The following GSE1 variants were observed in gnomAD, a reference collection of about 807,000 sequenced individuals.
GSE1 encodes genetic suppressor element 1.
In GSE1, 32 loss-of-function variants were observed where a neutral mutation model predicts 112.6. The ratio of observed to expected loss-of-function variants is 0.28; its 90% confidence interval spans 0.21 to 0.38. The LOEUF (loss-of-function observed/expected upper bound fraction) is 0.38. Among genes scored for constraint, GSE1 ranks in the 10% least tolerant of loss-of-function variants. The pLI is 1.00. For missense variants in GSE1, 2,348 were observed against 1,699.2 expected (o/e 1.38, Z -6.71); for synonymous variants, 1,115 against 735.6 (o/e 1.52, Z -8.35).
intron 2 of GSE1, among the ~76,000 whole-genome samples, chr16:85,538,306 C>T (rs537011446): frequency 5.3e-4 from 80 of 152,358 alleles, no homozygotes; most frequent in Non-Finnish European, 2.5e-4. Flanking sequence ...CTTTCAGTGG[C>T]TCAACTTGTG....
At chr16:85,497,095 C>T (rs543933083) in intron 2 of GSE1, among the ~76,000 whole-genome samples, 73 of 152,228 alleles carry the variant, frequency 4.8e-4, no homozygotes, top group Non-Finnish European at 2.5e-4. Flanking sequence ...AACAGGGTTT[C>T]GCCATGTTGG....
chr16:85,425,297 A>C (rs938723816), intron 2 of GSE1, among the ~76,000 whole-genome samples: 6 of 42,556 alleles, frequency 1.4e-4, no homozygotes, highest in African/African-American at 2.5e-4. Flanking sequence ...GCAGGAGGGG[A>C]TGCACGGGTG....
At chr16:85,548,704 C>G (rs1014905002) in intron 2 of GSE1, among the ~76,000 whole-genome samples, 2 of 152,136 alleles carry the variant, frequency 1.3e-5, no homozygotes, top group Non-Finnish European at 2.9e-5. Context: ...TGGTGATAAA[C>G]GTGGGGGTGC....
chr16:85,200,659 G>A (rs556543540), intron 1 of GSE1, among the ~76,000 whole-genome samples: 6 of 152,258 alleles, frequency 3.9e-5, no homozygotes, highest in East Asian at 3.9e-4. Context: ...GCCCTCTTTC[G>A]CCCCACATTT....
In GSE1 at chr16:85,373,535, G is replaced by A. The variant is rs2047346506; in HGVS notation, c.2464+15892G>A. Among the ~76,000 whole-genome samples the A allele has an allele frequency of 6.6e-6, 1 of 152,108 alleles. No homozygotes were observed. Among genetic ancestry groups the A allele is most frequent in the South Asian group, 2.1e-4 (1 of 4,828 alleles). ...TGGCAGCTGCCTCCCGGGGCCCCTG[G>A]GAGAATGGGCTGGGGCACTGTGTAT... On this transcript the variant is annotated intron_variant, in intron 2 of 2. Coordinates refer to the GSE1 transcript ENST00000637419. This position sits in a 1 kb window ranked among gnomAD's most constrained non-coding sequence, Gnocchi z 5.1.
intron 1 of GSE1, among the ~76,000 whole-genome samples, chr16:85,191,155 G>A (rs1223651306): frequency 6.6e-6 from 1 of 152,062 alleles, no homozygotes; most frequent in Non-Finnish European, 1.5e-5. Flanking sequence ...AGCTACTTGC[G>A]AGGCTGAGGC....
At chr16:85,226,758 G>GGTGTGTGT (rs55999145) in intron 1 of GSE1, among the ~76,000 whole-genome samples, 312 of 104,954 alleles carry the variant, frequency 3.0e-3, no homozygotes, top group East Asian at 0.012. Flanking sequence ...TGCCTGGACT[G>GGTGTGTGT]GTGTGTGTGT....
At chr16:85,408,152 A>G (rs77704197) in intron 2 of GSE1, among the ~76,000 whole-genome samples, 1 of 26,976 alleles carries the variant, frequency 3.7e-5, no homozygotes, top group Non-Finnish European at 7.1e-5. Flanking sequence ...TCACTGTTAC[A>G]CTCAGGGCCC....
chr16:85,476,128 C>T (rs373287012), intron 2 of GSE1, among the ~76,000 whole-genome samples: 5 of 152,156 alleles, frequency 3.3e-5, no homozygotes, highest in South Asian at 2.1e-4. Context: ...GACGGGATTT[C>T]GCCATGTTGC....
intron 2 of GSE1, among the ~76,000 whole-genome samples, chr16:85,541,446 C>G (rs1169884472): frequency 6.6e-6 from 1 of 152,266 alleles, no homozygotes; most frequent in Non-Finnish European, 1.5e-5. Flanking sequence ...CGTGTCCCCA[C>G]TGCCCCAGCT....
intron 2 of GSE1, among the ~76,000 whole-genome samples, chr16:85,530,143 C>T (rs2044091332): frequency 6.6e-6 from 1 of 152,240 alleles, no homozygotes; most frequent in Non-Finnish European, 1.5e-5. Flanking sequence ...GTCCTGCCTC[C>T]TCCGGCCCCC....
chr16:85,653,085 G>A (rs1178142547), intron 3 of GSE1, among the ~76,000 whole-genome samples: 1 of 150,086 alleles, frequency 6.7e-6, no homozygotes, highest in East Asian at 2.0e-4. Flanking sequence ...GGAAGATGCT[G>A]GGGCTGAGAA....
At chr16:85,471,456 C>G (rs1434086794) in intron 2 of GSE1, among the ~76,000 whole-genome samples, 1 of 152,188 alleles carries the variant, frequency 6.6e-6, no homozygotes, top group African/African-American at 2.4e-5. Context: ...CTCCATCACC[C>G]AGGCTGGAGT....
intron 1 of GSE1, among the ~76,000 whole-genome samples, chr16:85,622,719 G>A (rs1056096251): frequency 6.6e-6 from 1 of 152,164 alleles, no homozygotes; most frequent in African/African-American, 2.4e-5. Flanking sequence ...TGATTCAGGG[G>A]AGACCTACCT....
intron 1 of GSE1, among the ~76,000 whole-genome samples, chr16:85,304,601 C>CGGGGGG (rs1290541396): frequency 4.5e-4 from 35 of 78,208 alleles, no homozygotes; most frequent in Non-Finnish European, 5.4e-4. Flanking sequence ...AAGCCGGGGG[C>CGGGGGG]GGGGGGGTGG....
At chr16:85,514,914 C>T (rs1276801622) in intron 2 of GSE1, among the ~76,000 whole-genome samples, 2 of 151,948 alleles carry the variant, frequency 1.3e-5, no homozygotes, top group South Asian at 2.1e-4. Context: ...TGTGTTTGCC[C>T]GTACGTGTGT....
At chr16:85,306,935 G>A (rs1205031157) in intron 1 of GSE1, among the ~76,000 whole-genome samples, 1 of 152,246 alleles carries the variant, frequency 6.6e-6, no homozygotes, top group East Asian at 1.9e-4. Context: ...ATGCACTGGG[G>A]CACAAGCTCT....
chr16:85,502,945 G>A (rs972806982), intron 2 of GSE1, among the ~76,000 whole-genome samples: 6 of 152,214 alleles, frequency 3.9e-5, no homozygotes, highest in Non-Finnish European at 8.8e-5. Flanking sequence ...GCGGGAGGAG[G>A]ATTATCGGAG....
chr16:85,441,050 GGTGGCAGCTGATCCCAGTGCT>G (rs2049364308), intron 2 of GSE1, among the ~76,000 whole-genome samples: 1 of 152,222 alleles, frequency 6.6e-6, no homozygotes, highest in Non-Finnish European at 1.5e-5. Context: ...CGGGGAGATG[GGTGGCAGCTGATCCCAGTGCT>G]GTGGCAGCAG....
Sources: gnomAD v4.1 joint callset for allele counts (sites outside exome capture counted in the v4.1 genomes callset) on GRCh38, gnomAD v4.1.1 for gene constraint, Gnocchi (gnomAD v3.1) non-coding constraint, MANE v1.5 for transcripts, NCBI Gene and HGNC (gene_info 2026-07-23, HGNC 2026-07-21) for gene names.